RPRD1A: variants seen among roughly 807,000 people sequenced by gnomAD.
RPRD1A encodes the protein regulation of nuclear pre-mRNA domain-containing protein 1A.
RPRD1A carries 9 observed loss-of-function variants against 37.8 expected under a neutral mutation model. The ratio of observed to expected loss-of-function variants is 0.24; its 90% CI spans 0.14 to 0.42. The LOEUF (loss-of-function observed/expected upper bound fraction) is 0.42. Ranked by LOEUF, RPRD1A falls within the 10% of genes least tolerant of loss-of-function variation. The pLI, the probability that RPRD1A is intolerant of heterozygous loss-of-function variation, is 1.00. For synonymous variants in RPRD1A, 138 were observed against 139.7 expected (o/e 0.99, Z 0.08); for missense variants, 255 against 371.0 (o/e 0.69, Z 2.57).
At chr18:36,045,406 C>T (rs1045653012) in intron 1 of RPRD1A, among the ~76,000 whole-genome samples, 1 of 152,124 alleles carries the variant, frequency 6.6e-6, no homozygotes, top group Admixed American at 6.5e-5. Flanking sequence ...CAGTGTGCCT[C>T]GGAATCACCA....
chr18:36,011,392 A>T (rs1246644508), intron 6 of RPRD1A, among the ~76,000 whole-genome samples: 1 of 152,228 alleles, frequency 6.6e-6, no homozygotes, highest in Non-Finnish European at 1.5e-5. Context: ...AGGAAAAGTT[A>T]ATAACCACTG....
intron 6 of RPRD1A, among the ~76,000 whole-genome samples, chr18:36,024,186 G>A (rs1194699446): frequency 3.3e-5 from 5 of 151,536 alleles, no homozygotes; most frequent in South Asian, 2.1e-4. Flanking sequence ...TCGGTCTGTC[G>A]CCCAGTCTGG....
chr18:36,063,890 T>TATCA (rs1174210622), intron 1 of RPRD1A: 1 of 152,222 alleles, frequency 6.6e-6, no homozygotes, highest in Non-Finnish European at 1.5e-5. Context: ...TCACCGTTAC[T>TATCA]ATCAACACTA....
Position 36,027,311 on chromosome 18 carries a change from C to CT in RPRD1A, c.487-2dup. On this transcript the variant is annotated splice_acceptor_variant, in intron 4 of 6. Transcript: ENST00000399022. LOFTEE classifies it high-confidence loss of function. ...GTAATGCTCTAACGAGATCTAGAGT[C>CT]TAAAAAGTACACAACTTCAGAACCA... The CT allele has an allele frequency of 6.2e-7, 1 of 1,613,244 alleles. No homozygotes were observed. The highest frequency in any genetic ancestry group is 1.3e-5 in the African/African-American group (1 of 74,980).
At position 36,017,397 on chromosome 18, in the gene RPRD1A, T is replaced by C. The variant is rs533441172; in HGVS notation, c.789+9503A>G. 9.3e-4 allele frequency among the ~76,000 whole-genome samples: 142 copies of C among 152,300 alleles called. 1 individual carries two copies. The highest frequency in any genetic ancestry group is 3.2e-3 in the African/African-American group (135 of 41,572). On this transcript the variant is annotated intron_variant, in intron 6 of 6. Coordinates refer to ENST00000399022, the MANE Select transcript of RPRD1A (RefSeq NM_018170.5). ...CTAATTAAGTTGCATCTGGTCTCCC[T>C]ACTGCTAATCTCTCTCCAATCTAAT...
At chr18:36,006,584 T>C (rs1909762825) in intron 6 of RPRD1A, among the ~76,000 whole-genome samples, 1 of 152,186 alleles carries the variant, frequency 6.6e-6, no homozygotes, top group Non-Finnish European at 1.5e-5. Flanking sequence ...GAAAATTTAA[T>C]TTGAGAGGCC....
intron 1 of RPRD1A, among the ~76,000 whole-genome samples, chr18:36,063,725 G>A (rs1214700968): frequency 6.6e-6 from 1 of 152,168 alleles, no homozygotes; most frequent in East Asian, 1.9e-4. Context: ...TACAGGAGAT[G>A]AGAATCCTGA....
At chr18:36,042,983 A>G (rs1418798912) in intron 1 of RPRD1A, among the ~76,000 whole-genome samples, 3 of 152,220 alleles carry the variant, frequency 2.0e-5, no homozygotes, top group Non-Finnish European at 4.4e-5. Flanking sequence ...ATAAATGCAC[A>G]AAGAAATCAT....
chr18:36,063,201 C>G (rs1472397452), intron 1 of RPRD1A: 1 of 152,080 alleles, frequency 6.6e-6, no homozygotes, highest in African/African-American at 2.4e-5. Context: ...TGTTTGTTTT[C>G]TGAGACAGGG....
chr18:35,997,455 A>G (rs990602721), intron 6 of RPRD1A, among the ~76,000 whole-genome samples: 1 of 152,234 alleles, frequency 6.6e-6, no homozygotes, highest in Non-Finnish European at 1.5e-5. Context: ...GTGTATATAC[A>G]TATGTATCTC....
chr18:36,021,656 A>G (rs182989677), intron 6 of RPRD1A, among the ~76,000 whole-genome samples: 18 of 152,328 alleles, frequency 1.2e-4, no homozygotes, highest in Non-Finnish European at 2.5e-4. Context: ...CACTTGCACC[A>G]ATTAGCCAAG....
chr18:36,005,581 A>G (rs1344406203), intron 6 of RPRD1A, among the ~76,000 whole-genome samples: 1 of 152,244 alleles, frequency 6.6e-6, no homozygotes, highest in Non-Finnish European at 1.5e-5. Context: ...AGAAGTATCC[A>G]ACTATGAGAC....
At chr18:36,066,987 T>A (rs867527194) in intron 1 of RPRD1A, among the ~76,000 whole-genome samples, 1 of 152,256 alleles carries the variant, frequency 6.6e-6, no homozygotes, top group African/African-American at 2.4e-5. Context: ...CTGGCCCTAA[T>A]TGGGTGTGGA....
chr18:36,043,899 A>G (rs1477581439), intron 1 of RPRD1A, among the ~76,000 whole-genome samples: 2 of 152,200 alleles, frequency 1.3e-5, no homozygotes, highest in East Asian at 1.9e-4. Context: ...AAACCCATGT[A>G]TAACTTCTGA....
chr18:36,037,042 C>T (rs537782897), intron 1 of RPRD1A, among the ~76,000 whole-genome samples: 31 of 152,284 alleles, frequency 2.0e-4, no homozygotes, highest in Middle Eastern at 3.4e-3. Context: ...CTAAAATTAA[C>T]GTTTCCTGTT....
At chr18:36,063,920 C>T (rs1235832343) in intron 1 of RPRD1A, 1 of 152,266 alleles carries the variant, frequency 6.6e-6, no homozygotes, top group Non-Finnish European at 1.5e-5. Flanking sequence ...CCACCCTCCT[C>T]CTAAAGCATC....
In RPRD1A at chr18:35,993,087, G is replaced by T. The variant is rs1908806449; in HGVS notation, c.*64C>A. ...ACAATATACAAAAATAACACTACAG[G>T]ACTATCCACCTAACCTGTCTCCATC... On this transcript the variant is annotated 3_prime_UTR_variant, in exon 7 of 7. Transcript: ENST00000399022. 3.5e-6 allele frequency: 5 copies of T among 1,437,506 alleles called. No individual in the cohort carries two copies. In the South Asian group the frequency reaches 6.4e-5, roughly 19 times the overall value. 89.0% of individuals were successfully genotyped at this position (1,437,506 alleles called of 1,614,324 possible).
At chr18:36,019,274 A>AT (rs1418220945) in intron 6 of RPRD1A, among the ~76,000 whole-genome samples, 1 of 151,766 alleles carries the variant, frequency 6.6e-6, no homozygotes, top group Non-Finnish European at 1.5e-5. Flanking sequence ...CGCCTGGCTA[A>AT]TTTTTTATAT....
intron 6 of RPRD1A, 23 bp downstream of exon 6, chr18:36,026,877 T>C (rs969529149): frequency 6.9e-6 from 11 of 1,592,016 alleles, no homozygotes; most frequent in Non-Finnish European, 9.4e-6. Flanking sequence ...AAATAAGCAC[T>C]AAAGAAGAAA....
Sources: gnomAD v4.1 joint callset for allele counts (sites outside exome capture counted in the v4.1 genomes callset) on GRCh38, gnomAD v4.1.1 for gene constraint, MANE v1.5 for transcripts, NCBI Gene and HGNC (gene_info 2026-07-23, HGNC 2026-07-21) for gene names.